Variants in KRT9 observed in about 807,000 individuals in gnomAD.
The protein encoded by KRT9 is keratin 9.
KRT9 carries 34 observed loss-of-function variants against 51.4 expected under a neutral mutation model. The observed-to-expected ratio is 0.66, with a 90% CI of 0.50 to 0.88. The LOEUF (loss-of-function observed/expected upper bound fraction) is 0.88. Among genes scored for constraint, KRT9 ranks in the 40% least tolerant of loss-of-function variants. The pLI is 0.00. For synonymous variants in KRT9, 292 were observed against 289.7 expected, an observed-to-expected ratio of 1.01 and a Z score of -0.08; for missense variants, 753 against 790.3, an observed-to-expected ratio of 0.95 and a Z score of 0.57.
chr17:41,568,692 T>C lies in KRT9; in HGVS notation c.1045-59A>G. On this transcript the variant is annotated intron_variant, in intron 4 of 7. Coordinates refer to ENST00000246662, the MANE Select transcript of KRT9 (RefSeq NM_000226.4). ...GTGCCAGGAGCTTCAGTGAGTGAGA[T>C]TCTGCCCCATTCACCAGGATCTTCA... The C allele has an allele frequency of 1.9e-6, 3 of 1,609,088 alleles. No homozygotes were observed. The Admixed American group carries it at 5.0e-5, about 27-fold the overall frequency.
Position 41,567,374 on chromosome 17 carries a change from C to T in KRT9, c.1771G>A (p.Gly591Ser), listed in dbSNP as rs1326168344. 6.2e-7 allele frequency: 1 copy of T among 1,608,956 alleles called. No individual in the cohort carries two copies. Reference protein sequence around the residue: ...GSGGSHGGGSGFGGESGGSYG... With the variant: ...GSGGSHGGGSSFGGESGGSYG... ...CTGCCTCCACTTTCACCTCCAAAACCACTTCCTCCACCATGGCTGCCTCCA... is the reference window on the plus strand; with the variant it reads ...CTGCCTCCACTTTCACCTCCAAAACTACTTCCTCCACCATGGCTGCCTCCA... Residue 591 changes from glycine (G) to serine (S), a missense_variant, in exon 7 of 8, where the codon GGT becomes AGT. Gly to Ser is a moderately conservative substitution (Grantham distance 56). Transcript: ENST00000246662.
intron 4 of KRT9, 65 bp downstream of exon 4, chr17:41,569,361 T>A (rs1007293967): frequency 4.1e-6 from 6 of 1,478,570 alleles, no homozygotes; most frequent in African/African-American, 1.4e-5. Context: ...GAATGGGAGG[T>A]GGGAGGGATG....
At chr17:41,567,134 C>G in intron 7 of KRT9, 99 bp downstream of exon 7, 2 of 1,563,904 alleles carry the variant, frequency 1.3e-6, no homozygotes, top group South Asian at 2.3e-5. Flanking sequence ...ACATCTAGCT[C>G]TATTCAGAAT....
intron 1 of KRT9, among the ~76,000 whole-genome samples, chr17:41,571,054 C>T (rs1455237163): frequency 6.6e-6 from 1 of 151,360 alleles, no homozygotes; most frequent in Non-Finnish European, 1.5e-5. Flanking sequence ...TTAGACCAAA[C>T]CTAAAGGAGG....
At position 41,568,700 on chromosome 17, in the gene KRT9, C is replaced by A. The variant is rs931617654; in HGVS notation, c.1045-67G>T. ...AGCTTCAGTGAGTGAGATTCTGCCC[C>A]ATTCACCAGGATCTTCACCTCCAGG... On this transcript the variant is annotated intron_variant, in intron 4 of 7. Coordinates refer to ENST00000246662, the MANE Select transcript of KRT9 (RefSeq NM_000226.4). 5.3e-5 allele frequency: 85 copies of A among 1,604,014 alleles called. 1 individual carries two copies. In the African/African-American group the frequency reaches 1.1e-3, roughly 21 times the overall value.
Position 41,572,024 on chromosome 17 carries a change from A to T in KRT9, c.-32T>A, listed in dbSNP as rs1342485876. The T allele has an allele frequency of 6.4e-7, 1 of 1,550,708 alleles. No homozygotes were observed. Among genetic ancestry groups the T allele is most frequent in the South Asian group, 1.2e-5 (1 of 84,836 alleles). ...GCTGGTAGCTCACGGGTTGAGAAGC[A>T]GTGATAGGAGTGCTACCGGCTCCCA... is the stretch of plus-strand genomic sequence containing the variant. On this transcript the variant is annotated 5_prime_UTR_variant, in exon 1 of 8. Coordinates refer to ENST00000246662, the MANE Select transcript of KRT9 (RefSeq NM_000226.4).
rs866963887 is a variant in KRT9 at position 41,567,392 on chromosome 17, T to C, written c.1753A>G (p.Ser585Gly). 1 of 1,596,646 alleles carries C rather than the reference T, an allele frequency of 6.3e-7. No individual in the cohort carries two copies. The change falls in exon 7 of 8, where the codon AGC becomes GGC. Residue 585 changes from serine (S) to glycine (G), a missense_variant. By Grantham distance (56) the Ser-to-Gly change is moderately conservative (BLOSUM62 0). Around this residue, in one of 3 missense-constraint regions of KRT9, gnomAD observed 507 missense variants for 563.7 expected, o/e 0.90. Coordinates refer to ENST00000246662, the MANE Select transcript of KRT9 (RefSeq NM_000226.4). The stretch of plus-strand genomic sequence containing the variant: ...CCAAAACCACTTCCTCCACCATGGC[T>C]GCCTCCACTTCCTCCCCTGGACCCA... ...GSGSRGGSGG[S>G]HGGGSGFGGE... is the part of the protein sequence containing the mutation.
chr17:41,568,194 G>A lies in KRT9; in HGVS notation c.1362C>T (p.Tyr454=), dbSNP rs755055814. ...CCTGGCCTCCCTCAAGGAGGTTGTG[G>A]TAGGTCTCGATTTCCTTCTCCAGCC... ...KMRLEKEIET[Y]HNLLEGGQED... is the part of the protein sequence containing the mutation. The change falls in exon 6 of 8, where the codon TAC becomes TAT. Residue 454 remains tyrosine (Y), a synonymous_variant. Transcript: ENST00000246662. 36 of 1,613,834 alleles carry A rather than the reference G, an allele frequency of 2.2e-5. No individual in the cohort carries two copies.
Position 41,569,984 on chromosome 17 carries a change from C to A in KRT9, c.757G>T (p.Val253Leu), listed in dbSNP as rs1441479811. The change falls in exon 3 of 8, where the codon GTG becomes TTG. Residue 253 changes from valine (V) to leucine (L), a missense_variant. Coordinates refer to ENST00000246662, the MANE Select transcript of KRT9 (RefSeq NM_000226.4). ...FEMEQNLRQGVDADINGLRQV... is the reference protein window; with the variant it reads ...FEMEQNLRQGLDADINGLRQV... ...CGCAGGCCATTGATGTCAGCATCCA[C>A]TCCTTGCCGCAGGTTTTGCTCCATC... is the stretch of plus-strand genomic sequence containing the variant. 3 of 1,614,080 alleles carry A rather than the reference C, an allele frequency of 1.9e-6. No homozygotes were observed. The highest frequency in any genetic ancestry group is 3.3e-5 in the Admixed American group (2 of 60,006).
chr17:41,567,882 C>T, intron 6 of KRT9, 132 bp from the exon 7 acceptor site: 3 of 1,527,014 alleles, frequency 2.0e-6, no homozygotes, highest in South Asian at 1.2e-5. Context: ...AGGACAGAGT[C>T]TGGGCGGGCA....
rs139934315 is a variant in KRT9 at position 41,568,514 on chromosome 17, G to A, written c.1164C>T (p.Leu388=). 4.6e-5 allele frequency: 75 copies of A among 1,614,062 alleles called. No homozygotes were observed. The highest frequency in any genetic ancestry group is 6.0e-5 in the Non-Finnish European group (71 of 1,180,042). Residue 388 remains leucine (L), a synonymous_variant, in exon 5 of 8, where the codon CTC becomes CTT. Transcript: ENST00000246662. ...QELEIELQSQ[L]SKKAALEKSL... is the part of the protein sequence containing the mutation. ...CTATAGCAGAACTACCAACCTTGCT[G>A]AGCTGAGACTGCAGCTCAATCTCCA...
rs1426426174 is a variant in KRT9 at position 41,568,191 on chromosome 17, G to T, written c.1365C>A (p.His455Gln). The T allele has an allele frequency of 6.2e-7, 1 of 1,614,016 alleles. No homozygotes were observed. Among genetic ancestry groups the T allele is most frequent in the Admixed American group, 1.7e-5 (1 of 60,016 alleles). ...MRLEKEIETY[H>Q]NLLEGGQEDF... ...CTTCCTGGCCTCCCTCAAGGAGGTT[G>T]TGGTAGGTCTCGATTTCCTTCTCCA... The change falls in exon 6 of 8, where the codon CAC (histidine) becomes CAA (glutamine). Residue 455 changes from histidine (H) to glutamine (Q), a missense_variant. By Grantham distance (24) the His-to-Gln change is conservative. Around this residue, in one of 3 missense-constraint regions of KRT9, gnomAD observed 507 missense variants for 563.7 expected, o/e 0.90. Transcript: ENST00000246662.
At position 41,567,305 on chromosome 17, in the gene KRT9, C is replaced by T. The variant is rs765577453; in HGVS notation, c.1840G>A (p.Gly614Arg). Residue 614 changes from glycine (G) to arginine (R), a missense_variant, in exon 7 of 8, where the codon GGA becomes AGA. This residue lies in a region of KRT9 where 507 missense variants were observed against 563.7 expected (regional missense o/e 0.90). Transcript: ENST00000246662. ...EEASGSGGGY[G>R]GGSGKSSHS ...TGGGATGATTTTCCGCTTCCTCCTC[C>T]GTAGCCGCCACCACTTCCACTCGCT... 18 of 1,614,058 alleles carry T rather than the reference C, an allele frequency of 1.1e-5. No individual in the cohort carries two copies. Among genetic ancestry groups the T allele is most frequent in the East Asian group, 8.9e-5 (4 of 44,898 alleles).
At chr17:41,568,900 C>T (rs1201495005) in intron 4 of KRT9, among the ~76,000 whole-genome samples, 1 of 143,128 alleles carries the variant, frequency 7.0e-6, no homozygotes, top group African/African-American at 2.6e-5. Context: ...ACTTCCCCCA[C>T]CTTTCAAACA....
rs1907015596 is a variant in KRT9 at position 41,569,867 on chromosome 17, G to C, written c.874C>G (p.His292Asp). 1.2e-6 allele frequency: 2 copies of C among 1,614,096 alleles called. No homozygotes were observed. Among genetic ancestry groups the C allele is most frequent in the East Asian group, 4.5e-5 (2 of 44,888 alleles). The part of the protein sequence containing the change: ...QEELMALKKN[H>D]KEEMSQLTGQ... ...AAGCCCCAGCAACCTACCTCCTTAT[G>C]ATTCTTCTTGAGGGCCATCAGCTCC... The change falls in exon 3 of 8, where the codon CAT becomes GAT. Residue 292 changes from histidine to aspartate, a missense_variant. Around this residue, in one of 3 missense-constraint regions of KRT9, gnomAD observed 507 missense variants for 563.7 expected, o/e 0.90. Transcript: ENST00000246662.
Position 41,567,215 on chromosome 17 carries a change from C to G in KRT9, c.*40+18G>C. On this transcript the variant is annotated intron_variant, in intron 7 of 7. Coordinates refer to ENST00000246662, the MANE Select transcript of KRT9 (RefSeq NM_000226.4). ...GAGACCTTGACTCTCCACCCCACAACCTAGGATTGTCCCTTACCTTTTGTC... is the reference window on the plus strand; with the variant it reads ...GAGACCTTGACTCTCCACCCCACAAGCTAGGATTGTCCCTTACCTTTTGTC... 6.2e-7 allele frequency: 1 copy of G among 1,613,800 alleles called. No homozygotes were observed. Among genetic ancestry groups the G allele is most frequent in the South Asian group, 1.1e-5 (1 of 91,062 alleles).
Position 41,569,921 on chromosome 17 carries a change from G to A in KRT9, c.820C>T (p.Leu274=), listed in dbSNP as rs1304015302. The change falls in exon 3 of 8, where the codon CTG becomes TTG. Residue 274 remains leucine (L), a synonymous_variant. Transcript: ENST00000246662. ...TGCAGAGTCTCATACTGCATCTCCA[G>A]GTCAGACTTCTCCATGGTCAGATTG... is the stretch of plus-strand genomic sequence containing the variant. ...LDNLTMEKSD[L]EMQYETLQEE... 2 of 1,614,150 alleles carry A rather than the reference G, an allele frequency of 1.2e-6. No homozygotes were observed. Among genetic ancestry groups the A allele is most frequent in the Non-Finnish European group, 1.7e-6 (2 of 1,180,036 alleles).
Position 41,569,407 on chromosome 17 carries a change from G to A in KRT9, c.1044+19C>T. 6.2e-7 allele frequency: 1 copy of A among 1,612,144 alleles called. No individual in the cohort carries two copies. The highest frequency in any genetic ancestry group is 8.5e-7 in the Non-Finnish European group (1 of 1,178,980). The stretch of plus-strand genomic sequence containing the variant: ...TAGATGGAGGGGAGGAGGATGAATG[G>A]GCAGCCCACTCTGCTCACCTGAGTC... On this transcript the variant is annotated intron_variant, in intron 4 of 7. Coordinates refer to ENST00000246662, the MANE Select transcript of KRT9 (RefSeq NM_000226.4).
At chr17:41,569,739 G>T in intron 3 of KRT9, 120 bp downstream of exon 3, 2 of 1,494,684 alleles carry the variant, frequency 1.3e-6, no homozygotes, top group African/African-American at 1.4e-5. Context: ...AGGAGAAGTT[G>T]AAAGTGTCCT....
Sources: gnomAD v4.1 joint callset for allele counts (sites outside exome capture counted in the v4.1 genomes callset) on GRCh38, gnomAD v4.1.1 for gene constraint, gnomAD v4.1.1 regional missense constraint, MANE v1.5 for transcripts, NCBI Gene and HGNC (gene_info 2026-07-23, HGNC 2026-07-21) for gene names.